ACTR3B: variants seen among roughly 807,000 people sequenced by gnomAD.
ACTR3B encodes the protein actin-related protein 3B.
ACTR3B carries 8 observed loss-of-function variants against 59.0 expected under a neutral mutation model. The ratio of observed to expected loss-of-function variants is 0.14; its 90% confidence interval spans 0.08 to 0.24. ACTR3B has a LOEUF of 0.24. Ranked by LOEUF, ACTR3B falls within the 10% of genes least tolerant of loss-of-function variation. The pLI is 1.00. For synonymous variants in ACTR3B, 148 were observed against 197.9 expected (o/e 0.75, Z 2.12); for missense variants, 245 against 552.3 (o/e 0.44, Z 5.58).
intron 1 of ACTR3B, among the ~76,000 whole-genome samples, chr7:152,779,192 G>C (rs1277611381): frequency 3.9e-5 from 6 of 152,082 alleles, no homozygotes; most frequent in Admixed American, 1.3e-4. Flanking sequence ...AGAACCATGC[G>C]GGTGAGCGAG....
At chr7:152,823,242 C>G (rs1484419027) in intron 7 of ACTR3B, 100 bp from the exon 8 acceptor site, 63 of 1,531,884 alleles carry the variant, frequency 4.1e-5, no homozygotes, top group Non-Finnish European at 5.3e-5. Context: ...CGGTTCTGAT[C>G]CCAGGGTGTG....
intron 2 of ACTR3B, among the ~76,000 whole-genome samples, chr7:152,784,716 T>C (rs1310870307): frequency 6.6e-6 from 1 of 152,228 alleles, no homozygotes; most frequent in Non-Finnish European, 1.5e-5. Context: ...CTCCACGGCC[T>C]GCAGAGGGCT....
chr7:152,768,454 C>T (rs374361138), intron 1 of ACTR3B, among the ~76,000 whole-genome samples: 44 of 152,010 alleles, frequency 2.9e-4, no homozygotes, highest in Non-Finnish European at 5.3e-4. Context: ...CTTATTGTGG[C>T]CTAAGAGGGT....
At chr7:152,773,357 G>A (rs2098128803) in intron 1 of ACTR3B, among the ~76,000 whole-genome samples, 2 of 152,150 alleles carry the variant, frequency 1.3e-5, no homozygotes, top group African/African-American at 2.4e-5. Flanking sequence ...AGAGGCCGAG[G>A]TGGGTGGATC....
At chr7:152,836,172 G>C (rs1188305585) in intron 9 of ACTR3B, among the ~76,000 whole-genome samples, 1 of 151,842 alleles carries the variant, frequency 6.6e-6, no homozygotes, top group Non-Finnish European at 1.5e-5. Flanking sequence ...CTGCTGTCTG[G>C]GGGGTTTGAC....
chr7:152,820,706 G>T (rs1320600870), intron 7 of ACTR3B, among the ~76,000 whole-genome samples: 3 of 152,220 alleles, frequency 2.0e-5, no homozygotes, highest in Non-Finnish European at 4.4e-5. Flanking sequence ...GCATTGTTCA[G>T]CTGGAGCCTC....
At chr7:152,821,025 C>T (rs1796105195) in intron 7 of ACTR3B, among the ~76,000 whole-genome samples, 1 of 152,086 alleles carries the variant, frequency 6.6e-6, no homozygotes, top group Admixed American at 6.5e-5. Context: ...AGAGATGATT[C>T]CCGAGGTGTT....
intron 1 of ACTR3B, among the ~76,000 whole-genome samples, chr7:152,762,064 A>G (rs1056126365): frequency 1.3e-5 from 2 of 152,246 alleles, no homozygotes; most frequent in East Asian, 1.9e-4. Flanking sequence ...GCATTGAGCT[A>G]TACATAGTGG....
chr7:152,820,503 C>T (rs1796059718), intron 7 of ACTR3B, 61 bp downstream of exon 7: 1 of 1,544,420 alleles, frequency 6.5e-7, no homozygotes, highest in African/African-American at 1.4e-5. Context: ...CTGGACACTT[C>T]CCCTTGGTGC....
intron 4 of ACTR3B, among the ~76,000 whole-genome samples, chr7:152,809,573 G>C (rs1209091043): frequency 6.7e-6 from 1 of 149,292 alleles, no homozygotes; most frequent in African/African-American, 2.5e-5. Flanking sequence ...ACGGAGTCTT[G>C]CTCTGTAGCC....
At chr7:152,853,434 G>T (rs923373169) in intron 10 of ACTR3B, 60 bp from the exon 11 acceptor site, 2 of 1,522,428 alleles carry the variant, frequency 1.3e-6, no homozygotes, top group Admixed American at 3.4e-5. Context: ...TCAGCCGGGG[G>T]ATGATTAGAT....
At chr7:152,814,984 GT>G (rs1424426530) in intron 5 of ACTR3B, among the ~76,000 whole-genome samples, 40 of 151,726 alleles carry the variant, frequency 2.6e-4, no homozygotes, top group African/African-American at 9.5e-4. Context: ...ACCTTTAGAG[GT>G]TTCCCCTTTC....
intron 1 of ACTR3B, among the ~76,000 whole-genome samples, chr7:152,769,683 A>T (rs1404741121): frequency 6.6e-6 from 1 of 152,066 alleles, no homozygotes; most frequent in African/African-American, 2.4e-5. Context: ...CATGTAGTCC[A>T]TTTTATTTTA....
chr7:152,773,748 T>C (rs2098129813), intron 1 of ACTR3B, among the ~76,000 whole-genome samples: 1 of 152,236 alleles, frequency 6.6e-6, no homozygotes, highest in African/African-American at 2.4e-5. Flanking sequence ...ATCATTGTAC[T>C]CTGACCCTGC....
intron 7 of ACTR3B, among the ~76,000 whole-genome samples, chr7:152,821,097 T>C (rs1468715014): frequency 6.6e-6 from 1 of 152,070 alleles, no homozygotes; most frequent in Non-Finnish European, 1.5e-5. Flanking sequence ...TGCCCTGCTT[T>C]ACCTGGGACC....
chr7:152,835,371 G>A (rs1412241224), intron 9 of ACTR3B, among the ~76,000 whole-genome samples: 2 of 152,130 alleles, frequency 1.3e-5, no homozygotes, highest in African/African-American at 2.4e-5. Flanking sequence ...GTTCAGTTTC[G>A]GACCATCCCA....
chr7:152,785,584 A>C (rs1257872105), intron 2 of ACTR3B, among the ~76,000 whole-genome samples: 1 of 144,418 alleles, frequency 6.9e-6, no homozygotes, highest in Non-Finnish European at 1.5e-5. Flanking sequence ...GGCAGAAGTG[A>C]GGATACTGAG....
At chr7:152,785,484 A>AGAGAGACAGG (rs2098170563) in intron 2 of ACTR3B, among the ~76,000 whole-genome samples, 1 of 83,466 alleles carries the variant, frequency 1.2e-5, no homozygotes, top group African/African-American at 5.4e-5. Flanking sequence ...GGAGAGAGAG[A>AGAGAGACAGG]GAGAGAGACA....
At position 152,777,823 on chromosome 7, in the gene ACTR3B, C is replaced by T. The variant is rs192877485; in HGVS notation, c.45-5364C>T. Among the ~76,000 whole-genome samples, 965 of 151,994 alleles carry T rather than the reference C, an allele frequency of 6.3e-3. 7 individuals carry two copies. Among genetic ancestry groups the T allele is most frequent in the Non-Finnish European group, 9.7e-3 (660 of 67,990 alleles). On this transcript the variant is annotated intron_variant, in intron 1 of 11. Coordinates refer to ENST00000256001, the MANE Select transcript of ACTR3B (RefSeq NM_020445.6). ...AAAATTAGCCGGGCGTGGTGGTGCACGCCTGTAGTCCCAGCACTCAGGAGG... is the reference window on the plus strand; with the variant it reads ...AAAATTAGCCGGGCGTGGTGGTGCATGCCTGTAGTCCCAGCACTCAGGAGG...
Sources: gnomAD v4.1 joint callset for allele counts (sites outside exome capture counted in the v4.1 genomes callset) on GRCh38, gnomAD v4.1.1 for gene constraint, MANE v1.5 for transcripts, NCBI Gene and HGNC (gene_info 2026-07-23, HGNC 2026-07-21) for gene names.